RAPH1: variants seen among roughly 807,000 people sequenced by gnomAD.
RAPH1 encodes the protein ras-associated and pleckstrin homology domains-containing protein 1.
Under a neutral mutation model 88.1 loss-of-function variants are expected in RAPH1, and 18 were observed. That is an observed-to-expected ratio of 0.20 (90% CI 0.14 to 0.30). RAPH1 has a LOEUF of 0.30. RAPH1 is among the 10% of genes least tolerant of loss of function. RAPH1 has a pLI of 1.00. For synonymous variants in RAPH1, 587 were observed against 559.0 expected (o/e 1.05, Z -0.71); for missense variants, 1,448 against 1,543.2 (o/e 0.94, Z 1.03).
At chr2:203,451,701 A>G (rs1250130970) in intron 10 of RAPH1, among the ~76,000 whole-genome samples, 2 of 152,222 alleles carry the variant, frequency 1.3e-5, no homozygotes, top group Non-Finnish European at 2.9e-5. Context: ...CATTTTTAAA[A>G]TGACCCTGAC....
Position 203,477,533 on chromosome 2 carries a change from C to G in RAPH1, c.732+12051G>C, listed in dbSNP as rs368578005. 1.1e-4 allele frequency among the ~76,000 whole-genome samples: 16 copies of G among 152,234 alleles called. No individual in the cohort carries two copies. The East Asian group carries it at 2.7e-3, about 26-fold the overall frequency. On this transcript the variant is annotated intron_variant, in intron 4 of 13. Coordinates refer to ENST00000319170, the MANE Select transcript of RAPH1 (RefSeq NM_213589.3). ...CCCTTATGTTATACCTGTTCTAAGT[C>G]TCTATGTTCTTCAAGCTTCTAGCTT...
chr2:203,454,295 TCAC>T, intron 10 of RAPH1, 132 bp downstream of exon 10: 1 of 608,440 alleles, frequency 1.6e-6, no homozygotes, highest in East Asian at 2.8e-5. Context: ...TTACCACACT[TCAC>T]CATTCCTTTT....
chr2:203,453,518 C>T (rs966624889), intron 10 of RAPH1, among the ~76,000 whole-genome samples: 12 of 129,220 alleles, frequency 9.3e-5, no homozygotes, highest in Non-Finnish European at 1.4e-4. Context: ...TGCACTCCAG[C>T]CTGGGTGACA....
chr2:203,453,545 C>CAAAAAAAA (rs59304139), intron 10 of RAPH1, among the ~76,000 whole-genome samples: 9 of 28,272 alleles, frequency 3.2e-4, no homozygotes, highest in African/African-American at 9.3e-4. Context: ...GACCCTGCCT[C>CAAAAAAAA]AAAAAAAAAA....
chr2:203,496,140 C>A (rs1020535852), intron 1 of RAPH1, among the ~76,000 whole-genome samples: 3 of 152,118 alleles, frequency 2.0e-5, no homozygotes, highest in African/African-American at 7.2e-5. Flanking sequence ...GGTGGATCAA[C>A]CTGTGGTCAG....
At chr2:203,534,500 CTCCGTCCA>C (rs1690524802) in intron 1 of RAPH1, among the ~76,000 whole-genome samples, 40 of 84,798 alleles carry the variant, frequency 4.7e-4, no homozygotes, top group Non-Finnish European at 5.9e-4. Context: ...TGCCCCCTCC[CTCCGTCCA>C]CCCCCCCCCC....
At chr2:203,510,912 A>G (rs1267041688) in intron 1 of RAPH1, among the ~76,000 whole-genome samples, 2 of 152,160 alleles carry the variant, frequency 1.3e-5, no homozygotes, top group African/African-American at 4.8e-5. Flanking sequence ...ATAAATTTAA[A>G]AAAAGAGTAA....
At chr2:203,462,203 C>T (rs1187548707) in intron 4 of RAPH1, among the ~76,000 whole-genome samples, 1 of 152,150 alleles carries the variant, frequency 6.6e-6, no homozygotes, top group African/African-American at 2.4e-5. Context: ...AAGTTTGATT[C>T]TGTCAATGTG....
chr2:203,455,603 A>C, intron 8 of RAPH1, 23 bp from the exon 9 acceptor site: 1 of 1,608,608 alleles, frequency 6.2e-7, no homozygotes, highest in Non-Finnish European at 8.5e-7. Flanking sequence ...GATTATTTGC[A>C]AAGACTTATG....
chr2:203,499,720 A>G (rs1688659116), intron 1 of RAPH1, among the ~76,000 whole-genome samples: 1 of 152,188 alleles, frequency 6.6e-6, no homozygotes, highest in Non-Finnish European at 1.5e-5. Context: ...CAAAGAAAAA[A>G]AAAACTTAAG....
chr2:203,461,256 T>C lies in RAPH1; in HGVS notation c.963A>G (p.Leu321=). The change falls in exon 6 of 14, where the codon TTA becomes TTG. Residue 321 remains leucine, a synonymous_variant. Transcript: ENST00000319170. ...AGCAATGATATTACTAACCCATTTG[T>C]AATTCAGAAACGGTTTCTACCAGTG... The part of the protein sequence containing the change: ...DWSLVETVSE[L]QMERIFEDHE... 1 of 1,579,234 alleles carries C rather than the reference T, an allele frequency of 6.3e-7. No individual in the cohort carries two copies. The highest frequency in any genetic ancestry group is 1.2e-5 in the South Asian group (1 of 84,102).
chr2:203,467,087 G>A (rs2098529115), intron 4 of RAPH1, among the ~76,000 whole-genome samples: 1 of 152,124 alleles, frequency 6.6e-6, no homozygotes, highest in Non-Finnish European at 1.5e-5. Context: ...AATAGAACTT[G>A]GAAAGATATA....
intron 1 of RAPH1, among the ~76,000 whole-genome samples, chr2:203,513,332 A>G (rs1689441231): frequency 6.9e-6 from 1 of 144,010 alleles, no homozygotes; most frequent in Non-Finnish European, 1.5e-5. Context: ...CTTCCTATTT[A>G]TCAGTCTTTT....
intron 4 of RAPH1, among the ~76,000 whole-genome samples, chr2:203,484,030 A>G (rs1202447100): frequency 6.6e-6 from 1 of 152,088 alleles, no homozygotes; most frequent in Non-Finnish European, 1.5e-5. Flanking sequence ...CAGCCTTCAT[A>G]ATGGTGTGGG....
At chr2:203,522,319 T>A (rs1689914251) in intron 1 of RAPH1, among the ~76,000 whole-genome samples, 1 of 152,212 alleles carries the variant, frequency 6.6e-6, no homozygotes, top group Non-Finnish European at 1.5e-5. Context: ...TATGTGTAAA[T>A]AATGATGTAG....
chr2:203,523,285 C>A (rs1025106558), intron 1 of RAPH1, among the ~76,000 whole-genome samples: 4 of 150,920 alleles, frequency 2.7e-5, no homozygotes, highest in African/African-American at 9.7e-5. Context: ...CCCAGCTACT[C>A]GGGAGGCTGA....
chr2:203,451,359 A>G (rs927023689), intron 10 of RAPH1, among the ~76,000 whole-genome samples: 1 of 152,208 alleles, frequency 6.6e-6, no homozygotes. Context: ...AGGTTAAAAC[A>G]GCGCTCAAAA....
Position 203,444,861 on chromosome 2 carries a change from C to G in RAPH1, c.1776+7G>C. ...ATTTTCAATGTAAATTAAAACGAAG[C>G]TGTTACCTTGCTGGACTCTTCCAAC... On this transcript the variant is annotated splice_region_variant and intron_variant, in intron 13 of 13. Coordinates refer to ENST00000319170, the MANE Select transcript of RAPH1 (RefSeq NM_213589.3). 1 of 1,611,208 alleles carries G rather than the reference C, an allele frequency of 6.2e-7. No homozygotes were observed. The highest frequency in any genetic ancestry group is 8.5e-7 in the Non-Finnish European group (1 of 1,179,128).
intron 8 of RAPH1, 111 bp from the exon 9 acceptor site, chr2:203,455,691 T>TA: frequency 3.0e-6 from 3 of 1,016,384 alleles, no homozygotes; most frequent in Non-Finnish European, 4.4e-6. Context: ...TGGTTTTATA[T>TA]TAAAACCAAG....
Sources: allele counts gnomAD v4.1 joint callset (sites outside exome capture counted in the v4.1 genomes callset), GRCh38; gene constraint gnomAD v4.1.1; transcripts MANE v1.5; gene names NCBI Gene and HGNC (gene_info 2026-07-23, HGNC 2026-07-21).